ZSWIM9: variants seen among roughly 807,000 people sequenced by gnomAD.
The protein encoded by ZSWIM9 is uncharacterized protein ZSWIM9.
In ZSWIM9, 11 loss-of-function variants were observed where a neutral mutation model predicts 25.0. That is an observed-to-expected ratio of 0.44 (90% confidence interval 0.28 to 0.73). ZSWIM9 has a LOEUF of 0.73. Among genes scored for constraint, ZSWIM9 ranks in the 30% least tolerant of loss-of-function variants. The pLI is 0.16. For missense variants in ZSWIM9, 1,070 were observed against 1,296.5 expected, an observed-to-expected ratio of 0.83 and a Z score of 2.68; for synonymous variants, 562 against 582.1, an observed-to-expected ratio of 0.97 and a Z score of 0.50.
intron 1 of ZSWIM9, among the ~76,000 whole-genome samples, chr19:48,170,976 G>A (rs1368492090): frequency 6.6e-6 from 1 of 152,164 alleles, no homozygotes; most frequent in Admixed American, 6.5e-5. Context: ...GTAACTGGGA[G>A]GAGGGGCCCA....
chr19:48,179,196 C>T (rs779623034), intron 2 of ZSWIM9, among the ~76,000 whole-genome samples: 19 of 151,926 alleles, frequency 1.3e-4, no homozygotes, highest in Non-Finnish European at 2.4e-4. Context: ...GGTCTTGCTC[C>T]GTTGCCCAGG....
intron 3 of ZSWIM9, among the ~76,000 whole-genome samples, chr19:48,183,629 G>A (rs1213100833): frequency 2.1e-5 from 3 of 143,972 alleles, no homozygotes; most frequent in African/African-American, 7.7e-5. Flanking sequence ...TGCTATGTAA[G>A]TTTTTTTTTT....
chr19:48,196,376 T>G lies in ZSWIM9; in HGVS notation c.2312T>G (p.Val771Gly). ...AATGGAGTCGTGTCTGGCACCCCGG[T>G]GGGGACTGTATTGGAAGGCAGCCCA... ...LGNGVVSGTP[V>G]GTVLEGSPEW... is the part of the protein sequence containing the mutation. The change falls in exon 4 of 4, where the codon GTG becomes GGG. Residue 771 changes from valine (V) to glycine (G), a missense_variant. By Grantham distance (109) the Val-to-Gly change is moderately radical. Transcript: ENST00000614654. The G allele has an allele frequency of 8.1e-7, 1 of 1,231,618 alleles. No individual in the cohort carries two copies. Among genetic ancestry groups the G allele is most frequent in the Non-Finnish European group, 1.0e-6 (1 of 988,094 alleles). 76.3% of individuals were successfully genotyped at this position (1,231,618 alleles called of 1,614,324 possible). A position where few individuals can be genotyped will look rare whatever the true frequency, so the allele number is the denominator to read the frequency against.
At chr19:48,186,258 C>T (rs994619228) in intron 3 of ZSWIM9, among the ~76,000 whole-genome samples, 1 of 150,074 alleles carries the variant, frequency 6.7e-6, no homozygotes, top group Non-Finnish European at 1.5e-5. Context: ...CCCCCCACCC[C>T]CAGCAAGCAG....
At chr19:48,189,579 A>T (rs192336336) in intron 3 of ZSWIM9, 1 of 154,356 alleles carries the variant, frequency 6.5e-6, no homozygotes. Context: ...AACAAACAAA[A>T]AAAAAAGAAT....
In ZSWIM9 at chr19:48,196,819, G is replaced by A. The variant is rs2037173194; in HGVS notation, c.2755G>A (p.Glu919Lys). 1 of 1,237,576 alleles carries A rather than the reference G, an allele frequency of 8.1e-7. No homozygotes were observed. Among genetic ancestry groups the A allele is most frequent in the African/African-American group, 1.6e-5 (1 of 64,514 alleles). 76.7% of individuals were successfully genotyped at this position (1,237,576 alleles called of 1,614,324 possible). ...CAGGGATTGCTGGGGGAGAGCCCCA[G>A]AGCCCTGACCCTTCATGCCTCTGCC... ...LLRDCWGRAP[E>K]P The change falls in exon 4 of 4, where the codon GAG becomes AAG. Residue 919 changes from glutamate to lysine, a missense_variant. Glu to Lys is a moderately conservative substitution (Grantham distance 56, BLOSUM62 1). Around this residue, in one of 4 missense-constraint regions of ZSWIM9, gnomAD observed 583 missense variants for 624.7 expected, o/e 0.93. Transcript: ENST00000614654.
chr19:48,191,291 G>A (rs997950194), intron 3 of ZSWIM9, among the ~76,000 whole-genome samples: 31 of 152,050 alleles, frequency 2.0e-4, no homozygotes, highest in African/African-American at 6.8e-4. Context: ...TGCAGCCTCC[G>A]CCTCCCGGGT....
intron 3 of ZSWIM9, among the ~76,000 whole-genome samples, chr19:48,186,082 T>C (rs1161810195): frequency 2.0e-5 from 3 of 152,238 alleles, no homozygotes; most frequent in Non-Finnish European, 4.4e-5. Flanking sequence ...GAGGCCAGTA[T>C]GACTGAGGAA....
Position 48,196,454 on chromosome 19 carries a change from A to T in ZSWIM9, c.2390A>T (p.Glu797Val). 8.1e-7 allele frequency: 1 copy of T among 1,232,482 alleles called. No homozygotes were observed. Among genetic ancestry groups the T allele is most frequent in the Non-Finnish European group, 1.0e-6 (1 of 988,316 alleles). 76.3% of individuals were successfully genotyped at this position (1,232,482 alleles called of 1,614,324 possible). A position where few individuals can be genotyped will look rare whatever the true frequency, so the allele number is the denominator to read the frequency against. The change falls in exon 4 of 4, where the codon GAA becomes GTA. Residue 797 changes from glutamate to valine, a missense_variant. Physicochemically the swap from Glu to Val is moderately radical, Grantham distance 121 (BLOSUM62 -2). Transcript: ENST00000614654. ...CTGGCTGCAGGTGACGGCCTGCAGG[A>T]AGGAGGCGAAGATGGCCCCAGGGAA... ...EHLAAGDGLQ[E>V]GGEDGPREPK...
rs2037144186 is a variant in ZSWIM9, at chr19:48,195,214, C to T, written c.1150C>T (p.Arg384Cys). The T allele has an allele frequency of 3.3e-6, 5 of 1,527,346 alleles. No homozygotes were observed. Among genetic ancestry groups the T allele is most frequent in the South Asian group, 2.4e-5 (2 of 83,954 alleles). The allele number at this position is 1,527,346 out of a possible 1,614,324, so 94.6% of individuals were successfully genotyped here. The change falls in exon 4 of 4, where the codon CGC (arginine) becomes TGC (cysteine). Residue 384 changes from arginine to cysteine, a missense_variant. Around this residue, in one of 4 missense-constraint regions of ZSWIM9, gnomAD observed 184 missense variants for 243.1 expected, o/e 0.76. Coordinates refer to ENST00000614654, the MANE Select transcript of ZSWIM9 (RefSeq NM_199341.4). This position sits in a 1 kb window ranked among gnomAD's most constrained non-coding sequence, Gnocchi z 5.8. ...CTACTTCGAGCGCAACTGGGAGCCC[C>T]GCCGCGACATGTGGGTCCGCTTCCG... ...VDYFERNWEPRRDMWVRFRAF... is the reference protein window; with the variant it reads ...VDYFERNWEPCRDMWVRFRAF...
chr19:48,170,837 G>A (rs1378098229), intron 1 of ZSWIM9, 123 bp downstream of exon 1: 1 of 163,026 alleles, frequency 6.1e-6, no homozygotes, highest in African/African-American at 2.4e-5. Context: ...GGTCGGGAGC[G>A]GGCTGGATGG....
Position 48,194,367 on chromosome 19 carries a change from G to A in ZSWIM9, c.589-286G>A, listed in dbSNP as rs954431013. ...ACGGAGGAATGAATAGCCAGCTTCC[G>A]GCGGAGGAAACTGAGGCTCAGAGAA... On this transcript the variant is annotated intron_variant, in intron 3 of 3. Coordinates refer to ENST00000614654, the MANE Select transcript of ZSWIM9 (RefSeq NM_199341.4). The surrounding 1 kb of genome is among the most constrained non-coding windows in gnomAD (Gnocchi z 6.0). 6.6e-6 allele frequency among the ~76,000 whole-genome samples: 1 copy of A among 152,176 alleles called. No individual in the cohort carries two copies. The highest frequency in any genetic ancestry group is 2.4e-5 in the African/African-American group (1 of 41,442).
At chr19:48,171,595 A>C (rs1036768076) in intron 1 of ZSWIM9, among the ~76,000 whole-genome samples, 199 bp from the exon 2 acceptor site, 2 of 152,122 alleles carry the variant, frequency 1.3e-5, no homozygotes, top group African/African-American at 4.8e-5. Context: ...TGAACCAGGG[A>C]TAAGGCGGTG....
chr19:48,171,373 C>G, intron 1 of ZSWIM9: 8 of 985,206 alleles, frequency 8.1e-6, no homozygotes, highest in Non-Finnish European at 9.6e-6. Flanking sequence ...CAGATGAATA[C>G]GAGAGTTAGA....
chr19:48,177,085 TA>T (rs111338772), intron 2 of ZSWIM9, among the ~76,000 whole-genome samples: 5,765 of 150,002 alleles, frequency 0.038, 252 homozygotes, highest in African/African-American at 0.098. Context: ...AAATAAAAAT[TA>T]AAAAAAAATA....
intron 2 of ZSWIM9, among the ~76,000 whole-genome samples, chr19:48,178,646 G>A (rs183609458): frequency 3.2e-4 from 48 of 151,814 alleles, no homozygotes; most frequent in African/African-American, 1.0e-3. Flanking sequence ...GCGCGATCTC[G>A]GCTCACTGCA....
At chr19:48,183,378 C>T (rs986670618) in intron 3 of ZSWIM9, among the ~76,000 whole-genome samples, 93 of 152,148 alleles carry the variant, frequency 6.1e-4, no homozygotes, top group African/African-American at 2.1e-3. Context: ...CCGCCCGCCT[C>T]GGCCTCCCAA....
At chr19:48,184,905 A>G (rs147633863) in intron 3 of ZSWIM9, among the ~76,000 whole-genome samples, 6 of 151,918 alleles carry the variant, frequency 3.9e-5, no homozygotes, top group African/African-American at 1.4e-4. Flanking sequence ...TTCCTACTCC[A>G]CTGGTCTTTG....
rs116812024 is a variant in ZSWIM9, at chr19:48,179,649, A to T, written c.276-2806A>T. Among the ~76,000 whole-genome samples the T allele has an allele frequency of 3.1e-3, 477 of 152,330 alleles. 2 individuals are homozygous for T. Among genetic ancestry groups the T allele is most frequent in the African/African-American group, 0.011 (458 of 41,576 alleles). On this transcript the variant is annotated intron_variant, in intron 2 of 3. Transcript: ENST00000614654. Reference sequence around the variant, plus strand: ...GTGATTGAAGCATCATTCGTAACAGAGGAGAACTGGAAACACCATCATAGA... The same window carrying T: ...GTGATTGAAGCATCATTCGTAACAGTGGAGAACTGGAAACACCATCATAGA...
Sources: gnomAD v4.1 joint callset for allele counts (sites outside exome capture counted in the v4.1 genomes callset) on GRCh38, gnomAD v4.1.1 for gene constraint, gnomAD v4.1.1 regional missense constraint, Gnocchi (gnomAD v3.1) non-coding constraint, MANE v1.5 for transcripts, NCBI Gene and HGNC (gene_info 2026-07-23, HGNC 2026-07-21) for gene names.